The following DLGAP2 variants were observed in gnomAD, a reference collection of about 807,000 sequenced individuals.
The protein encoded by DLGAP2 is disks large-associated protein 2.
In DLGAP2, 26 loss-of-function variants were observed where a neutral mutation model predicts 100.3. That is an observed-to-expected ratio of 0.26 (90% CI 0.19 to 0.36). The LOEUF (loss-of-function observed/expected upper bound fraction) is 0.36. DLGAP2 is among the 10% of genes least tolerant of loss of function. The pLI is 1.00. For missense variants in DLGAP2, 1,858 were observed against 1,453.2 expected, an observed-to-expected ratio of 1.28 and a Z score of -4.53; for synonymous variants, 886 against 630.1, an observed-to-expected ratio of 1.41 and a Z score of -6.08.
chr8:1,312,732 T>C (rs528571320), intron 3 of DLGAP2, among the ~76,000 whole-genome samples: 25 of 152,350 alleles, frequency 1.6e-4, no homozygotes, highest in Admixed American at 7.8e-4. Flanking sequence ...ACCTTTTGAC[T>C]CAGTTAATTA....
At chr8:1,394,378 T>A (rs1424429477) in intron 3 of DLGAP2, among the ~76,000 whole-genome samples, 1 of 134 alleles carries the variant, frequency 7.5e-3, no homozygotes. Flanking sequence ...GTGTATTGAG[T>A]GCTTACTGAG....
chr8:1,457,756 G>A (rs1015396147), intron 3 of DLGAP2, among the ~76,000 whole-genome samples: 2 of 151,388 alleles, frequency 1.3e-5, no homozygotes, highest in East Asian at 3.9e-4. Context: ...CCCGTCCCAC[G>A]CCTCCCCCAG....
chr8:1,414,221 G>T (rs1796815252), intron 3 of DLGAP2, among the ~76,000 whole-genome samples: 1 of 152,210 alleles, frequency 6.6e-6, no homozygotes, highest in African/African-American at 2.4e-5. Context: ...TGCTAAAGCT[G>T]GAAACTGGAA....
rs370667981 is a variant in DLGAP2, at chr8:1,350,498, C to G, written c.106+91615C>G. Among the ~76,000 whole-genome samples the G allele has an allele frequency of 9.6e-4, 28 of 29,254 alleles. 1 individual carries two copies. Among genetic ancestry groups the G allele is most frequent in the South Asian group, 2.3e-3 (1 of 430 alleles). The allele number at this position is 29,254 out of a possible 152,430, so 19.2% of individuals were successfully genotyped here. ...CGTGGAAAGGCCGCGCGGGTCCTGA[C>G]TGTGCGTGGAAAGGCCGTGCGGGTC... On this transcript the variant is annotated intron_variant, in intron 3 of 14. Coordinates refer to ENST00000637795, the MANE Select transcript of DLGAP2 (RefSeq NM_001346810.2).
At chr8:1,078,700 G>A (rs945677076) in intron 2 of DLGAP2, among the ~76,000 whole-genome samples, 1 of 152,118 alleles carries the variant, frequency 6.6e-6, no homozygotes, top group African/African-American at 2.4e-5. Context: ...TTAGTGATAT[G>A]CATTTAATTT....
intron 2 of DLGAP2, chr8:1,019,845 G>A (rs921399180): frequency 2.0e-5 from 3 of 152,204 alleles, no homozygotes; most frequent in Non-Finnish European, 2.9e-5. Context: ...CAGAGCCACT[G>A]GTTTCTTGCA....
chr8:1,359,492 C>T (rs942458254), intron 3 of DLGAP2, among the ~76,000 whole-genome samples: 1 of 152,250 alleles, frequency 6.6e-6, no homozygotes, highest in Admixed American at 6.5e-5. Context: ...CTGCCACTGG[C>T]CTAGCCTCCT....
intron 3 of DLGAP2, among the ~76,000 whole-genome samples, chr8:1,351,880 GTTTGGAAAGGCCGTGCGGGTCCTGAC>G (rs1428640797): frequency 1.4e-3 from 137 of 97,430 alleles, no homozygotes; most frequent in East Asian, 2.1e-3. Context: ...TCCTGACTGT[GTTTGGAAAGGCCGTGCGGGTCCTGAC>G]TGTGGAAAGG....
intron 10 of DLGAP2, among the ~76,000 whole-genome samples, chr8:1,674,250 G>T (rs1435967364): frequency 6.6e-6 from 1 of 152,100 alleles, no homozygotes; most frequent in Non-Finnish European, 1.5e-5. Flanking sequence ...TTGCCATGTT[G>T]CCTAGGCTGG....
chr8:1,617,838 A>G (rs1437270882), intron 6 of DLGAP2, among the ~76,000 whole-genome samples: 1 of 152,246 alleles, frequency 6.6e-6, no homozygotes, highest in Non-Finnish European at 1.5e-5. Flanking sequence ...GATTAACCCA[A>G]AAGAAAGCAA....
chr8:1,359,114 C>A (rs891765293), intron 3 of DLGAP2, among the ~76,000 whole-genome samples: 2 of 152,156 alleles, frequency 1.3e-5, no homozygotes, highest in South Asian at 4.1e-4. Context: ...GTCATCAGTC[C>A]GGGGACTGCA....
At chr8:1,494,476 A>T (rs910689846) in intron 3 of DLGAP2, among the ~76,000 whole-genome samples, 19 of 152,216 alleles carry the variant, frequency 1.2e-4, no homozygotes, top group African/African-American at 4.3e-4. Flanking sequence ...TCACGCCTTA[A>T]TCCCAGCACT....
intron 3 of DLGAP2, among the ~76,000 whole-genome samples, chr8:1,336,484 C>T (rs530112232): frequency 2.0e-5 from 3 of 152,318 alleles, no homozygotes; most frequent in South Asian, 2.1e-4. Context: ...GTTATGAGGA[C>T]GTTCCAGTGT....
chr8:1,045,650 A>G (rs368113754), intron 2 of DLGAP2, among the ~76,000 whole-genome samples: 2 of 152,066 alleles, frequency 1.3e-5, no homozygotes, highest in East Asian at 3.9e-4. Flanking sequence ...GCCCCCACCC[A>G]GGTCCTGGTA....
intron 3 of DLGAP2, among the ~76,000 whole-genome samples, chr8:1,274,335 G>A (rs1585213708): frequency 1.3e-5 from 2 of 152,204 alleles, no homozygotes; most frequent in South Asian, 2.1e-4. Context: ...TCATGTGAAC[G>A]TGAAAATAAG....
At chr8:749,004 C>CT (rs969861462) in intron 1 of DLGAP2, among the ~76,000 whole-genome samples, 3 of 152,120 alleles carry the variant, frequency 2.0e-5, no homozygotes, top group African/African-American at 4.8e-5. Flanking sequence ...ATTTTCTTTT[C>CT]TTTTTTCTGT....
chr8:1,576,960 A>C (rs1563232047), intron 6 of DLGAP2, among the ~76,000 whole-genome samples: 1 of 152,232 alleles, frequency 6.6e-6, no homozygotes, highest in Non-Finnish European at 1.5e-5. Context: ...CCACATCGCC[A>C]AGACAATCCT....
intron 4 of DLGAP2, among the ~76,000 whole-genome samples, chr8:1,508,752 G>A (rs1289870968): frequency 6.6e-6 from 1 of 151,232 alleles, no homozygotes; most frequent in Non-Finnish European, 1.5e-5. Flanking sequence ...AGGAGGCGCT[G>A]ACGGCGTTCC....
chr8:1,605,846 G>A (rs780694189), intron 6 of DLGAP2, among the ~76,000 whole-genome samples: 1 of 152,208 alleles, frequency 6.6e-6, no homozygotes, highest in Non-Finnish European at 1.5e-5. Flanking sequence ...CATGGCAAAT[G>A]TTTAAAATAT....
Sources: gnomAD v4.1 joint callset for allele counts (sites outside exome capture counted in the v4.1 genomes callset) on GRCh38, gnomAD v4.1.1 for gene constraint, MANE v1.5 for transcripts, NCBI Gene and HGNC (gene_info 2026-07-23, HGNC 2026-07-21) for gene names.